Variants in ARHGEF18 observed in about 807,000 individuals in gnomAD.
ARHGEF18 encodes rho guanine nucleotide exchange factor 18.
ARHGEF18 carries 93 observed loss-of-function variants against 155.7 expected under a neutral mutation model. The observed-to-expected ratio is 0.60, with a 90% CI of 0.50 to 0.71. The LOEUF (loss-of-function observed/expected upper bound fraction) is 0.71, where lower values mean the gene tolerates loss of function less well. Among genes scored for constraint, ARHGEF18 ranks in the 30% least tolerant of loss-of-function variants. ARHGEF18 has a pLI of 0.00. For synonymous variants in ARHGEF18, 742 were observed against 753.1 expected (o/e 0.99, Z 0.24); for missense variants, 1,593 against 1,816.1 (o/e 0.88, Z 2.23).
intron 3 of ARHGEF18, among the ~76,000 whole-genome samples, chr19:7,374,702 C>G (rs1403724557): frequency 1.3e-5 from 2 of 151,176 alleles, no homozygotes; most frequent in African/African-American, 2.4e-5. Flanking sequence ...AAAAAAAAAT[C>G]GACTGCATGC....
chr19:7,365,301 C>T (rs1051580719), intron 2 of ARHGEF18, among the ~76,000 whole-genome samples: 4 of 152,176 alleles, frequency 2.6e-5, no homozygotes, highest in Non-Finnish European at 5.9e-5. Flanking sequence ...GAGGTGTGCA[C>T]CTGTAGTCCC....
chr19:7,454,075 A>G (rs537286051), intron 17 of ARHGEF18, among the ~76,000 whole-genome samples: 2 of 147,578 alleles, frequency 1.4e-5, no homozygotes, highest in South Asian at 4.3e-4. Context: ...ATCATCTTGG[A>G]TTGGTAGGTG....
At chr19:7,409,726 G>GA (rs1972555706) in intron 10 of ARHGEF18, among the ~76,000 whole-genome samples, 2 of 151,304 alleles carry the variant, frequency 1.3e-5, no homozygotes, top group African/African-American at 4.9e-5. Flanking sequence ...ACAGGCGTGA[G>GA]CCATCGCGCC....
At chr19:7,436,004 TTTG>T (rs573821782) in intron 10 of ARHGEF18, among the ~76,000 whole-genome samples, 151 of 152,016 alleles carry the variant, frequency 9.9e-4, no homozygotes, top group Non-Finnish European at 1.7e-3. Context: ...TGCCTAATTT[TTTG>T]TTGTTGTTTT....
intron 10 of ARHGEF18, among the ~76,000 whole-genome samples, chr19:7,415,786 G>T (rs1277438738): frequency 1.3e-5 from 2 of 151,988 alleles, no homozygotes; most frequent in African/African-American, 2.4e-5. Context: ...CTACAGTTGA[G>T]CCTTGGGATT....
At chr19:7,439,925 G>A in intron 10 of ARHGEF18, 12 of 1,480,430 alleles carry the variant, frequency 8.1e-6, no homozygotes, top group Non-Finnish European at 1.1e-5. Flanking sequence ...AGCAAATACT[G>A]CAATTTCCAC....
At chr19:7,365,544 GAA>G in intron 2 of ARHGEF18, among the ~76,000 whole-genome samples, 1 of 152,220 alleles carries the variant, frequency 6.6e-6, no homozygotes, top group Non-Finnish European at 1.5e-5. Context: ...GGACCTCTTT[GAA>G]AGAGAACCAT....
Position 7,453,564 on chromosome 19 carries a change from C to A in ARHGEF18, c.1953C>A (p.Gly651=). 6.2e-7 allele frequency: 1 copy of A among 1,614,050 alleles called. No homozygotes were observed. Among genetic ancestry groups the A allele is most frequent in the Non-Finnish European group, 8.5e-7 (1 of 1,179,938 alleles). ...VDAKVSECEK[G]QRLREIAGKM... Reference sequence around the variant, plus strand: ...CCAAGGTCAGTGAGTGTGAGAAGGGCCAGCGCCTCAGGGAGATCGCAGGGA... The same window carrying A: ...CCAAGGTCAGTGAGTGTGAGAAGGGACAGCGCCTCAGGGAGATCGCAGGGA... Residue 651 remains glycine (G), a synonymous_variant, in exon 17 of 29, where the codon GGC becomes GGA. Transcript: ENST00000668164.
chr19:7,365,025 G>A (rs1362418101), intron 2 of ARHGEF18, among the ~76,000 whole-genome samples: 4 of 152,160 alleles, frequency 2.6e-5, no homozygotes, highest in Non-Finnish European at 5.9e-5. Context: ...CACAACATCC[G>A]CTACACTAAG....
chr19:7,366,896 G>A (rs1414716395), intron 2 of ARHGEF18, among the ~76,000 whole-genome samples: 1 of 151,740 alleles, frequency 6.6e-6, no homozygotes, highest in Admixed American at 6.6e-5. Context: ...CAGAGTAGCT[G>A]GGACTACAGG....
chr19:7,445,447 T>C (rs960606589), intron 14 of ARHGEF18, among the ~76,000 whole-genome samples: 2 of 151,842 alleles, frequency 1.3e-5, no homozygotes, highest in Non-Finnish European at 2.9e-5. Context: ...GACCCCAATT[T>C]GGGAGTGGGG....
chr19:7,358,453 CATCT>C (rs540809010), intron 1 of ARHGEF18, among the ~76,000 whole-genome samples: 112 of 152,194 alleles, frequency 7.4e-4, no homozygotes, highest in African/African-American at 2.5e-3. Flanking sequence ...CCTATCCATC[CATCT>C]ACCTATCCAA....
intron 10 of ARHGEF18, among the ~76,000 whole-genome samples, chr19:7,385,870 T>TCTCTCTCTCTCTCTC (rs1555704468): frequency 6.8e-5 from 2 of 29,566 alleles, no homozygotes; most frequent in African/African-American, 3.8e-4. Flanking sequence ...TCTCTCTCTC[T>TCTCTCTCTCTCTCTC]CCCCCCTCCC....
At position 7,392,091 on chromosome 19, in the gene ARHGEF18, A is replaced by G. The variant is rs187097880; in HGVS notation, c.967+8888A>G. 3.5e-3 allele frequency among the ~76,000 whole-genome samples: 526 copies of G among 151,580 alleles called. 2 individuals are homozygous for G. Among genetic ancestry groups the G allele is most frequent in the African/African-American group, 0.012 (501 of 41,352 alleles). ...CCCCATCTCTACAAAAAATACAAAA[A>G]TTAGCCAGATGTAGTGGCGGGTGCC... On this transcript the variant is annotated intron_variant, in intron 10 of 28. Transcript: ENST00000668164.
At chr19:7,360,573 C>A (rs962926952) in intron 1 of ARHGEF18, among the ~76,000 whole-genome samples, 1 of 152,172 alleles carries the variant, frequency 6.6e-6, no homozygotes, top group Non-Finnish European at 1.5e-5. Context: ...GGATCCCAGA[C>A]CTTCAGGGTT....
intron 10 of ARHGEF18, among the ~76,000 whole-genome samples, chr19:7,419,726 T>C (rs779481599): frequency 6.6e-6 from 1 of 152,042 alleles, no homozygotes; most frequent in African/African-American, 2.4e-5. Flanking sequence ...GCGTAGGGTG[T>C]GTTGCAGTCA....
At chr19:7,373,389 T>C (rs1970285208) in intron 3 of ARHGEF18, among the ~76,000 whole-genome samples, 8 of 151,944 alleles carry the variant, frequency 5.3e-5, no homozygotes, top group Admixed American at 5.2e-4. Flanking sequence ...TTTCCTGCAC[T>C]AGACAGTCCA....
chr19:7,375,595 T>C (rs1970423880), intron 3 of ARHGEF18, 125 bp from the exon 4 acceptor site: 1 of 993,014 alleles, frequency 1.0e-6, no homozygotes, highest in Non-Finnish European at 1.3e-6. Flanking sequence ...TTTCTGTGGC[T>C]TGCGCACCCT....
In ARHGEF18 at chr19:7,463,751, G is replaced by C; in HGVS notation, c.2636-67G>C. On this transcript the variant is annotated intron_variant, in intron 21 of 28. Coordinates refer to ENST00000668164, the MANE Select transcript of ARHGEF18 (RefSeq NM_001367823.1). This position sits in a 1 kb window ranked among gnomAD's most constrained non-coding sequence, Gnocchi z 5.2. ...CGTCCACCCGGGTCTCGCTGCCCCA[G>C]CGCTCCGTATTCCCCCAGCACACTT... The C allele has an allele frequency of 6.7e-7, 1 of 1,495,348 alleles. No homozygotes were observed. Among genetic ancestry groups the C allele is most frequent in the Non-Finnish European group, 9.0e-7 (1 of 1,117,138 alleles). 92.6% of individuals were successfully genotyped at this position (1,495,348 alleles called of 1,614,324 possible).
Sources: gnomAD v4.1 joint callset for allele counts (sites outside exome capture counted in the v4.1 genomes callset) on GRCh38, gnomAD v4.1.1 for gene constraint, Gnocchi (gnomAD v3.1) non-coding constraint, MANE v1.5 for transcripts, NCBI Gene and HGNC (gene_info 2026-07-23, HGNC 2026-07-21) for gene names.